VTI1B: variants seen among roughly 807,000 people sequenced by gnomAD.
VTI1B encodes vesicle transport through interaction with t-SNAREs 1B.
A neutral mutation model predicts 28.6 loss-of-function variants in VTI1B; 18 were observed. The ratio of observed to expected loss-of-function variants is 0.63; its 90% CI spans 0.43 to 0.93. The LOEUF is 0.93. VTI1B is among the 40% of genes least tolerant of loss of function. The pLI is 0.00. For missense variants in VTI1B, 283 were observed against 297.0 expected, an observed-to-expected ratio of 0.95 and a Z score of 0.35; for synonymous variants, 100 against 107.9, an observed-to-expected ratio of 0.93 and a Z score of 0.46.
intron 4 of VTI1B, among the ~76,000 whole-genome samples, chr14:67,654,103 G>A (rs893186772): frequency 6.6e-6 from 1 of 152,104 alleles, no homozygotes; most frequent in Non-Finnish European, 1.5e-5. Flanking sequence ...CTCTCAGCTC[G>A]TTCCTTGGCT....
In VTI1B at chr14:67,649,103, T is replaced by C. The variant is rs913919437; in HGVS notation, c.*2282A>G. On this transcript the variant is annotated 3_prime_UTR_variant, in exon 6 of 6. Coordinates refer to ENST00000554659, the MANE Select transcript of VTI1B (RefSeq NM_006370.3). ...GTCCTTAGGTTATTGGCCAGAGAAC[T>C]TGGGGGTTCAATTCTCTGCTTTGCT... The C allele has an allele frequency of 6.6e-6, 1 of 152,196 alleles. No individual in the cohort carries two copies. The highest frequency in any genetic ancestry group is 2.4e-5 in the African/African-American group (1 of 41,444). 9.4% of individuals were successfully genotyped at this position (152,196 alleles called of 1,614,324 possible).
At chr14:67,669,506 AT>A (rs1429378838) in intron 1 of VTI1B, among the ~76,000 whole-genome samples, 1 of 151,824 alleles carries the variant, frequency 6.6e-6, no homozygotes, top group African/African-American at 2.4e-5. Flanking sequence ...GCCTCATGCA[AT>A]CCTCCTGCCT....
chr14:67,655,510 C>T (rs1181113727), intron 4 of VTI1B, among the ~76,000 whole-genome samples: 1 of 151,768 alleles, frequency 6.6e-6, no homozygotes, highest in Non-Finnish European at 1.5e-5. Flanking sequence ...AATCCTTAGA[C>T]ATTTTTTTCC....
rs757789815 is a variant in VTI1B at position 67,648,155 on chromosome 14, G to GTA, written c.*3228_*3229dup. 13 of 1,614,020 alleles carry GTA rather than the reference G, an allele frequency of 8.1e-6. No individual in the cohort carries two copies. ...GGGGACTAACCTATCGAGAAGGCAT[G>GTA]TATATTGCTGAGGAAATACACAATA... On this transcript the variant is annotated 3_prime_UTR_variant, in exon 6 of 6. Coordinates refer to ENST00000554659, the MANE Select transcript of VTI1B (RefSeq NM_006370.3).
chr14:67,659,860 A>G lies in VTI1B; in HGVS notation c.237T>C (p.Ser79=). ...APLSFRNPMM[S]KLRNYRKDLA... ...GGTCCTTCCGGTAGTTTCGAAGCTTAGACATCATGGGGTTTCGGAAAGACA... is the reference window on the plus strand; with the variant it reads ...GGTCCTTCCGGTAGTTTCGAAGCTTGGACATCATGGGGTTTCGGAAAGACA... The change falls in exon 3 of 6, where the codon TCT becomes TCC. Residue 79 remains serine, a synonymous_variant. Coordinates refer to ENST00000554659, the MANE Select transcript of VTI1B (RefSeq NM_006370.3). The G allele has an allele frequency of 6.2e-7, 1 of 1,614,192 alleles. No individual in the cohort carries two copies. The highest frequency in any genetic ancestry group is 8.5e-7 in the Non-Finnish European group (1 of 1,180,030).
At position 67,652,147 on chromosome 14, in the gene VTI1B, T is replaced by A. The variant is rs1394579170; in HGVS notation, c.603-666A>T. 2.0e-5 allele frequency among the ~76,000 whole-genome samples: 3 copies of A among 152,354 alleles called. No individual in the cohort carries two copies. In the East Asian group the frequency reaches 5.8e-4, roughly 29 times the overall value. ...CCCAAGGTCACGTACAATACCCTCT[T>A]ACCCCCAACTTCAACCTCAGTGGCA... On this transcript the variant is annotated intron_variant, in intron 5 of 5. Coordinates refer to ENST00000554659, the MANE Select transcript of VTI1B (RefSeq NM_006370.3).
At chr14:67,671,252 G>A (rs573955557) in intron 1 of VTI1B, among the ~76,000 whole-genome samples, 8 of 152,064 alleles carry the variant, frequency 5.3e-5, no homozygotes, top group East Asian at 1.9e-4. Flanking sequence ...GTGGTTGGGC[G>A]CAGTGGCTCA....
intron 4 of VTI1B, 132 bp from the exon 5 acceptor site, chr14:67,653,630 A>G: frequency 1.4e-6 from 1 of 726,846 alleles, no homozygotes; most frequent in Non-Finnish European, 2.3e-6. Context: ...AATTTAAATG[A>G]TGGCCTTTGA....
Position 67,648,046 on chromosome 14 carries a change from G to T in VTI1B, c.*3339C>A. ...TATTATTTTATCCTCTTCCTTTTTA[G>T]GAGACAAAGACCAATCCATTTGAGT... On this transcript the variant is annotated 3_prime_UTR_variant, in exon 6 of 6. Transcript: ENST00000554659. 5.0e-6 allele frequency: 8 copies of T among 1,607,874 alleles called. No homozygotes were observed. Among genetic ancestry groups the T allele is most frequent in the Non-Finnish European group, 6.8e-6 (8 of 1,176,650 alleles).
chr14:67,663,015 A>C (rs780771398), intron 1 of VTI1B: 4 of 1,411,052 alleles, frequency 2.8e-6, no homozygotes, highest in Non-Finnish European at 2.7e-6. Context: ...CTGCAAAATA[A>C]AAATTCCACC....
At position 67,674,458 on chromosome 14, in the gene VTI1B, A is replaced by T; in HGVS notation, c.32T>A (p.Phe11Tyr). 6.2e-7 allele frequency: 1 copy of T among 1,608,722 alleles called. No individual in the cohort carries two copies. The highest frequency in any genetic ancestry group is 8.5e-7 in the Non-Finnish European group (1 of 1,178,614). Residue 11 changes from phenylalanine (F) to tyrosine (Y), a missense_variant, in exon 1 of 6, where the codon TTC (phenylalanine) becomes TAC (tyrosine). By Grantham distance (22) the Phe-to-Tyr change is conservative. Transcript: ENST00000554659. MASSAASSEH[F>Y]EKLHEIFRGL... ...GCGGAAGATCTCGTGCAGCTTCTCG[A>T]AATGCTCCGAGGAGGCGGCGGAGGA...
intron 2 of VTI1B, chr14:67,660,130 C>A: frequency 2.0e-6 from 1 of 510,604 alleles, no homozygotes; most frequent in South Asian, 3.0e-5. Flanking sequence ...AGCAGGCATT[C>A]GAGTATATGA....
rs963535038 is a variant in VTI1B, at chr14:67,651,158, G to C, written c.*227C>G. On this transcript the variant is annotated 3_prime_UTR_variant, in exon 6 of 6. Coordinates refer to ENST00000554659, the MANE Select transcript of VTI1B (RefSeq NM_006370.3). ...TACAGTACTATGTAAATTTAAAGAA[G>C]TCATAAACAGCATTTATTACCTTGG... The C allele has an allele frequency of 1.0e-6, 1 of 963,710 alleles. No homozygotes were observed. The highest frequency in any genetic ancestry group is 1.5e-6 in the Non-Finnish European group (1 of 668,274). The allele number at this position is 963,710 out of a possible 1,614,324, so 59.7% of individuals were successfully genotyped here.
rs150325851 is a variant in VTI1B at position 67,656,583 on chromosome 14, G to C, written c.373C>G (p.Leu125Val). 1.4e-5 allele frequency: 23 copies of C among 1,599,748 alleles called. No individual in the cohort carries two copies. The highest frequency in any genetic ancestry group is 2.0e-5 in the Non-Finnish European group (23 of 1,173,628). ...AGAAGCATTGCCCTTTGAGACTGTAGCCGATTCTGAAAGAAGTATGGAAGA... is the reference window on the plus strand; with the variant it reads ...AGAAGCATTGCCCTTTGAGACTGTACCCGATTCTGAAAGAAGTATGGAAGA... ...YAVENEHMNR[L>V]QSQRAMLLQG... The change falls in exon 4 of 6, where the codon CTA (leucine) becomes GTA (valine). Residue 125 changes from leucine to valine, a missense_variant. Coordinates refer to ENST00000554659, the MANE Select transcript of VTI1B (RefSeq NM_006370.3).
At chr14:67,653,570 A>G in intron 4 of VTI1B, 72 bp from the exon 5 acceptor site, 1 of 1,349,802 alleles carries the variant, frequency 7.4e-7, no homozygotes, top group Non-Finnish European at 1.0e-6. Flanking sequence ...TCCCTAGATT[A>G]ACAGTAGGCA....
chr14:67,660,064 A>C, intron 2 of VTI1B, 142 bp from the exon 3 acceptor site: 1 of 819,374 alleles, frequency 1.2e-6, no homozygotes, highest in South Asian at 1.9e-5. Context: ...GGCAGGGACC[A>C]TGTCTGGCAT....
intron 4 of VTI1B, among the ~76,000 whole-genome samples, chr14:67,654,637 C>T (rs2037231001): frequency 6.6e-6 from 1 of 152,132 alleles, no homozygotes. Context: ...TCACACTGAG[C>T]TAGTATTTTC....
Position 67,655,028 on chromosome 14 carries a change from C to CAAAA in VTI1B, c.540+1384_540+1387dup, listed in dbSNP as rs34482334. 2.7e-3 allele frequency among the ~76,000 whole-genome samples: 116 copies of CAAAA among 43,408 alleles called. 3 individuals are homozygous for CAAAA. Among genetic ancestry groups the CAAAA allele is most frequent in the Admixed American group, 4.1e-3 (12 of 2,900 alleles). The allele number at this position is 43,408 out of a possible 152,430, so 28.5% of individuals were successfully genotyped here. A position where few individuals can be genotyped will look rare whatever the true frequency, so the allele number is the denominator to read the frequency against. On this transcript the variant is annotated intron_variant, in intron 4 of 5. Transcript: ENST00000554659. ...TGGGCGACAGAGCAAGACTCCATCT[C>CAAAA]AAAAAAAAAAAAAAAAAAAAAAAAA... is the stretch of plus-strand genomic sequence containing the variant.
chr14:67,664,273 C>G (rs1036060615), intron 1 of VTI1B, among the ~76,000 whole-genome samples: 1 of 152,126 alleles, frequency 6.6e-6, no homozygotes, highest in Admixed American at 6.6e-5. Flanking sequence ...ACTGAAATTC[C>G]GTACCCATCA....
Sources: gnomAD v4.1 joint callset for allele counts (sites outside exome capture counted in the v4.1 genomes callset) on GRCh38, gnomAD v4.1.1 for gene constraint, MANE v1.5 for transcripts, NCBI Gene and HGNC (gene_info 2026-07-23, HGNC 2026-07-21) for gene names.